TECPR2: variants seen among roughly 807,000 people sequenced by gnomAD.
The protein encoded by TECPR2 is tectonin beta-propeller repeat containing 2, also known as tectonin beta-propeller repeat-containing protein 2.
A neutral mutation model predicts 138.1 loss-of-function variants in TECPR2; 65 were observed. That is an observed-to-expected ratio of 0.47 (90% CI 0.39 to 0.58). The LOEUF (loss-of-function observed/expected upper bound fraction) is 0.58, where lower values mean the gene tolerates loss of function less well. Among genes scored for constraint, TECPR2 ranks in the 20% least tolerant of loss-of-function variants. The probability of loss-of-function intolerance (pLI) is 0.00; values close to 1 mark genes in which losing one functional copy is unlikely to be tolerated. For missense variants in TECPR2, 1,553 were observed against 1,824.5 expected, an observed-to-expected ratio of 0.85 and a Z score of 2.71; for synonymous variants, 746 against 749.8, an observed-to-expected ratio of 0.99 and a Z score of 0.08.
intron 17 of TECPR2, among the ~76,000 whole-genome samples, chr14:102,476,114 G>A (rs1458312464): frequency 3.4e-5 from 5 of 149,116 alleles, no homozygotes; most frequent in African/African-American, 1.2e-4. Flanking sequence ...GGCTGAGGCA[G>A]GAGAATCACT....
intron 11 of TECPR2, among the ~76,000 whole-genome samples, chr14:102,442,839 G>A (rs1595128799): frequency 6.6e-6 from 1 of 152,364 alleles, no homozygotes; most frequent in South Asian, 2.1e-4. Context: ...CAGGGTTGTA[G>A]GCGACAGTTG....
At chr14:102,423,504 TATTGTTA>T (rs2139714013) in intron 5 of TECPR2, among the ~76,000 whole-genome samples, 1 of 152,168 alleles carries the variant, frequency 6.6e-6, no homozygotes, top group South Asian at 2.1e-4. Flanking sequence ...GCTCATCAGC[TATTGTTA>T]GTGTATTTTA....
At chr14:102,497,210 G>A in intron 18 of TECPR2, 90 bp downstream of exon 18, 1 of 1,506,120 alleles carries the variant, frequency 6.6e-7, no homozygotes, top group Non-Finnish European at 8.8e-7. Flanking sequence ...GCCGCTGTCT[G>A]TGAGGCAGCC....
At chr14:102,408,268 G>A (rs1388730729) in intron 3 of TECPR2, among the ~76,000 whole-genome samples, 1 of 152,028 alleles carries the variant, frequency 6.6e-6, no homozygotes, top group East Asian at 1.9e-4. Flanking sequence ...AGTACATGTG[G>A]GTCATTTCAT....
intron 14 of TECPR2, among the ~76,000 whole-genome samples, chr14:102,450,337 G>C (rs1395961174): frequency 6.6e-6 from 1 of 152,150 alleles, no homozygotes; most frequent in Non-Finnish European, 1.5e-5. Flanking sequence ...CCCTCTCCCT[G>C]CTGCATGGCC....
chr14:102,407,301 A>G (rs376866965), intron 2 of TECPR2, 37 bp from the exon 3 acceptor site: 1 of 1,557,986 alleles, frequency 6.4e-7, no homozygotes, highest in Admixed American at 2.0e-5. Flanking sequence ...CAAAGCCTGC[A>G]TAGTTACAGA....
At chr14:102,401,439 CAAAAAAA>C (rs35011003) in intron 2 of TECPR2, among the ~76,000 whole-genome samples, 2 of 57,082 alleles carry the variant, frequency 3.5e-5, no homozygotes, top group Non-Finnish European at 7.6e-5. Context: ...AACTCCATCT[CAAAAAAA>C]AAAAAAAAAA....
At position 102,438,023 on chromosome 14, in the gene TECPR2, T is replaced by G. The variant is rs778775420; in HGVS notation, c.2396T>G (p.Phe799Cys). The G allele has an allele frequency of 6.2e-7, 1 of 1,613,320 alleles. No homozygotes were observed. Among genetic ancestry groups the G allele is most frequent in the South Asian group, 1.1e-5 (1 of 90,994 alleles). The change falls in exon 10 of 20, where the codon TTT becomes TGT. Residue 799 changes from phenylalanine to cysteine, a missense_variant and splice_region_variant. Physicochemically the swap from Phe to Cys is radical, Grantham distance 205. Coordinates refer to ENST00000359520, the MANE Select transcript of TECPR2 (RefSeq NM_014844.5). ...EDAGLLKPDQFAESWMGYSGP... is the reference protein window; with the variant it reads ...EDAGLLKPDQCAESWMGYSGP... ...ACTCACTGGCTCTTCCCTTGTTAGTTTGCAGAAAGCTGGATGGGCTACTCG... is the reference window on the plus strand; with the variant it reads ...ACTCACTGGCTCTTCCCTTGTTAGTGTGCAGAAAGCTGGATGGGCTACTCG...
intron 1 of TECPR2, among the ~76,000 whole-genome samples, chr14:102,366,410 G>A (rs540772523): frequency 1.3e-5 from 2 of 152,174 alleles, no homozygotes; most frequent in South Asian, 2.1e-4. Context: ...GCAGTGGCAC[G>A]ATCTTGGTTC....
At position 102,498,822 on chromosome 14, in the gene TECPR2, C is replaced by A; in HGVS notation, c.*565C>A. On this transcript the variant is annotated 3_prime_UTR_variant, in exon 20 of 20. Transcript: ENST00000359520. ...GCTGAGGCCGGGCTTGAGAGGAGAGCGCTGGCCATGCCAGGAGAGAACCCA... is the reference window on the plus strand; with the variant it reads ...GCTGAGGCCGGGCTTGAGAGGAGAGAGCTGGCCATGCCAGGAGAGAACCCA... 2 of 586,136 alleles carry A rather than the reference C, an allele frequency of 3.4e-6. No homozygotes were observed. The highest frequency in any genetic ancestry group is 1.6e-5 in the South Asian group (1 of 63,348). 36.3% of individuals were successfully genotyped at this position (586,136 alleles called of 1,614,324 possible). A position where few individuals can be genotyped will look rare whatever the true frequency, so the allele number is the denominator to read the frequency against.
In TECPR2 at chr14:102,447,621, G is replaced by A. The variant is rs562170912; in HGVS notation, c.3075+1674G>A. Among the ~76,000 whole-genome samples the A allele has an allele frequency of 3.4e-3, 519 of 152,094 alleles. 5 individuals are homozygous for A. Among genetic ancestry groups the A allele is most frequent in the African/African-American group, 0.012 (504 of 41,498 alleles). On this transcript the variant is annotated intron_variant, in intron 13 of 19. Coordinates refer to ENST00000359520, the MANE Select transcript of TECPR2 (RefSeq NM_014844.5). Reference sequence around the variant, plus strand: ...GCAATCTCGGCTCACTGCAACCTCCGCCTCCTGGGTTCAAGCGATTCTCCT... The same window carrying A: ...GCAATCTCGGCTCACTGCAACCTCCACCTCCTGGGTTCAAGCGATTCTCCT...
Position 102,498,709 on chromosome 14 carries a change from C to T in TECPR2, c.*452C>T, listed in dbSNP as rs186147419. ...AGCTCTCTGCAGCGCGGGATGTGCT[C>T]GGTGATGGCTTTGTCCCATCATAGG... is the stretch of plus-strand genomic sequence containing the variant. On this transcript the variant is annotated 3_prime_UTR_variant, in exon 20 of 20. Transcript: ENST00000359520. 1.8e-3 allele frequency: 781 copies of T among 428,698 alleles called. 16 individuals are homozygous for T. Among genetic ancestry groups the T allele is most frequent in the Admixed American group, 0.016 (557 of 34,792 alleles). The allele number at this position is 428,698 out of a possible 1,614,324, so 26.6% of individuals were successfully genotyped here.
At chr14:102,367,652 C>T (rs1235942244) in intron 1 of TECPR2, among the ~76,000 whole-genome samples, 1 of 152,094 alleles carries the variant, frequency 6.6e-6, no homozygotes, top group Non-Finnish European at 1.5e-5. Context: ...GTCCATTCAT[C>T]AGTTGATGGA....
At chr14:102,486,078 A>G (rs1011085053) in intron 17 of TECPR2, among the ~76,000 whole-genome samples, 5 of 152,112 alleles carry the variant, frequency 3.3e-5, no homozygotes, top group Admixed American at 1.3e-4. Flanking sequence ...ACCCCCTACA[A>G]TTAGCAGATG....
At chr14:102,409,489 G>A (rs765940220) in intron 4 of TECPR2, among the ~76,000 whole-genome samples, 1 of 152,042 alleles carries the variant, frequency 6.6e-6, no homozygotes, top group Non-Finnish European at 1.5e-5. Flanking sequence ...TGTAGAGACG[G>A]AGTTTTACCA....
chr14:102,434,513 AT>A lies in TECPR2; in HGVS notation c.1698del (p.Arg567GlufsTer79). ...TGATTCTCTGGCTGAGGAAGATGAC[AT>A]TAGAACTGAAATGCCACACTGTCAC... is the stretch of plus-strand genomic sequence containing the variant. ...MPDSLAEEDDIRTEMPHCHHA... is the reference protein window; with the variant it reads ...MPDSLAEEDDXRTEMPHCHHA... On this transcript the variant is annotated frameshift_variant, in exon 9 of 20. Coordinates refer to ENST00000359520, the MANE Select transcript of TECPR2 (RefSeq NM_014844.5). LOFTEE classifies it high-confidence loss of function. The A allele has an allele frequency of 6.4e-7, 1 of 1,561,750 alleles. No individual in the cohort carries two copies. The highest frequency in any genetic ancestry group is 1.2e-5 in the South Asian group (1 of 82,432).
intron 10 of TECPR2, among the ~76,000 whole-genome samples, chr14:102,439,424 CT>C (rs1419431611): frequency 2.0e-5 from 3 of 152,112 alleles, no homozygotes; most frequent in African/African-American, 7.2e-5. Context: ...CTTGCTTTCA[CT>C]GTTTGTTTGA....
At position 102,380,487 on chromosome 14, in the gene TECPR2, C is replaced by T. The variant is rs1597770028; in HGVS notation, c.219+3547C>T. Among the ~76,000 whole-genome samples the T allele has an allele frequency of 5.9e-5, 9 of 152,296 alleles. No homozygotes were observed. In the South Asian group the frequency reaches 1.9e-3, roughly 32 times the overall value. On this transcript the variant is annotated intron_variant, in intron 2 of 19. Coordinates refer to ENST00000359520, the MANE Select transcript of TECPR2 (RefSeq NM_014844.5). The stretch of plus-strand genomic sequence containing the variant: ...CTTACAGTCATGGTGGAAGGCACCT[C>T]TTCACAGGGCTCACTGTCACAAGAA...
chr14:102,425,530 T>C (rs1889293988), intron 6 of TECPR2, among the ~76,000 whole-genome samples: 1 of 152,188 alleles, frequency 6.6e-6, no homozygotes, highest in Admixed American at 6.5e-5. Context: ...GATGTATGTT[T>C]TTTGTATGTA....
Sources: gnomAD v4.1 joint callset for allele counts (sites outside exome capture counted in the v4.1 genomes callset) on GRCh38, gnomAD v4.1.1 for gene constraint, MANE v1.5 for transcripts, NCBI Gene and HGNC (gene_info 2026-07-23, HGNC 2026-07-21) for gene names.